ACYP2: variants seen among roughly 807,000 people sequenced by gnomAD.
The protein encoded by ACYP2 is acylphosphatase-2.
Under a neutral mutation model 11.2 loss-of-function variants are expected in ACYP2, and 12 were observed. The ratio of observed to expected loss-of-function variants is 1.08; its 90% CI spans 0.69 to 1.74. The LOEUF (loss-of-function observed/expected upper bound fraction) is 1.74, where lower values mean the gene tolerates loss of function less well. Ranked by LOEUF, ACYP2 falls within the 40% of genes most tolerant of loss-of-function variation. ACYP2 has a pLI of 0.00. For missense variants in ACYP2, 134 were observed against 101.9 expected, an observed-to-expected ratio of 1.31 and a Z score of -1.35; for synonymous variants, 43 against 32.2, an observed-to-expected ratio of 1.33 and a Z score of -1.13.
At chr2:54,216,542 ATT>A (rs202231897) in intron 6 of ACYP2, among the ~76,000 whole-genome samples, 1 of 146,388 alleles carries the variant, frequency 6.8e-6, no homozygotes, top group Non-Finnish European at 1.5e-5. Context: ...TCACGTTTAC[ATT>A]TTTTTTTTTT....
chr2:54,283,523 T>G (rs843720), intron 6 of ACYP2, among the ~76,000 whole-genome samples: 78,334 of 152,048 alleles, frequency 0.52, 20,885 homozygotes, highest in African/African-American at 0.63. Context: ...TTACTCAGAT[T>G]AAGACCCTGA....
chr2:54,219,498 T>C (rs1379070845), intron 6 of ACYP2, among the ~76,000 whole-genome samples: 2 of 152,150 alleles, frequency 1.3e-5, no homozygotes, highest in African/African-American at 4.8e-5. Flanking sequence ...AGGAATAATA[T>C]GAGGGAGTGG....
At chr2:54,257,014 C>A (rs1186708355) in intron 6 of ACYP2, among the ~76,000 whole-genome samples, 1 of 152,102 alleles carries the variant, frequency 6.6e-6, no homozygotes, top group Non-Finnish European at 1.5e-5. Flanking sequence ...AAAAGTTTTT[C>A]ATCTTAATAT....
chr2:54,245,281 A>T (rs889591996), intron 6 of ACYP2, among the ~76,000 whole-genome samples: 1 of 152,014 alleles, frequency 6.6e-6, no homozygotes, highest in Non-Finnish European at 1.5e-5. Flanking sequence ...TCATTTATCT[A>T]TTGTTGGACA....
chr2:54,025,969 T>C (rs1464715470), intron 2 of ACYP2, among the ~76,000 whole-genome samples: 2 of 152,002 alleles, frequency 1.3e-5, no homozygotes, highest in Non-Finnish European at 2.9e-5. Flanking sequence ...ATATAAAAAT[T>C]AGCCAGGCGT....
At chr2:54,158,361 CCT>C (rs1682535890) in intron 6 of ACYP2, among the ~76,000 whole-genome samples, 2 of 151,548 alleles carry the variant, frequency 1.3e-5, no homozygotes, top group South Asian at 4.2e-4. Context: ...TATTTTTTTT[CCT>C]CTTTTTGCCC....
chr2:53,973,853 ATATGTGTGTGTG>A (rs1350473356), intron 2 of ACYP2: 16 of 113,412 alleles, frequency 1.4e-4, no homozygotes, highest in African/African-American at 9.6e-4. Context: ...TGGGATATAT[ATATGTGTGTGTG>A]TGTGTGTGTG....
At chr2:54,169,879 G>T (rs1558584480) in intron 6 of ACYP2, among the ~76,000 whole-genome samples, 1 of 151,966 alleles carries the variant, frequency 6.6e-6, no homozygotes, top group Non-Finnish European at 1.5e-5. Context: ...CGATTTTTTT[G>T]AGTATTCCTC....
chr2:54,195,015 C>A (rs1272323283), intron 6 of ACYP2, among the ~76,000 whole-genome samples: 1 of 152,146 alleles, frequency 6.6e-6, no homozygotes, highest in Admixed American at 6.6e-5. Context: ...TGGTACCTCC[C>A]CAAACTAGGT....
chr2:54,120,514 A>AT (rs999554347), intron 4 of ACYP2, among the ~76,000 whole-genome samples: 5 of 151,650 alleles, frequency 3.3e-5, no homozygotes, highest in Admixed American at 1.3e-4. Flanking sequence ...TGTGCTTAGA[A>AT]TTTTTTTTTG....
rs1553391220 is a variant in ACYP2 at position 54,201,594 on chromosome 2, C to CTCTTTCTTTCTT, written c.404+62864_404+62875dup. ...ATAGCCAGCTTCTTTTTCTTTCTTT[C>CTCTTTCTTTCTT]TCTTTCTTTCTTTCTTTCTTTCTTT... On this transcript the variant is annotated intron_variant, in intron 6 of 6. Transcript: ENST00000607452. 2.4e-4 allele frequency among the ~76,000 whole-genome samples: 23 copies of CTCTTTCTTTCTT among 95,740 alleles called. 2 individuals are homozygous for CTCTTTCTTTCTT. Among genetic ancestry groups the CTCTTTCTTTCTT allele is most frequent in the African/African-American group, 6.4e-4 (16 of 24,850 alleles). 62.8% of individuals were successfully genotyped at this position (95,740 alleles called of 152,430 possible).
intron 4 of ACYP2, chr2:54,123,516 T>A: frequency 2.5e-6 from 1 of 398,070 alleles, no homozygotes; most frequent in Non-Finnish European, 4.4e-6. Context: ...ATACAGTAGT[T>A]TTTAGTATAT....
intron 6 of ACYP2, among the ~76,000 whole-genome samples, chr2:54,212,285 A>G (rs1270386330): frequency 6.6e-6 from 1 of 152,200 alleles, no homozygotes; most frequent in Non-Finnish European, 1.5e-5. Context: ...TGATCTTTGG[A>G]AAATCAAGTG....
At chr2:54,222,977 C>A (rs944036937) in intron 6 of ACYP2, 23 of 152,300 alleles carry the variant, frequency 1.5e-4, no homozygotes, top group African/African-American at 5.3e-4. Flanking sequence ...TTTTCATATT[C>A]TTTACTCTCT....
At chr2:54,289,714 C>T (rs1689220991) in intron 6 of ACYP2, among the ~76,000 whole-genome samples, 1 of 151,910 alleles carries the variant, frequency 6.6e-6, no homozygotes, top group African/African-American at 2.4e-5. Context: ...GGCATTCTTA[C>T]CTTCCATCAT....
intron 6 of ACYP2, among the ~76,000 whole-genome samples, chr2:54,151,617 T>A (rs1052966388): frequency 2.0e-5 from 3 of 152,168 alleles, no homozygotes; most frequent in Non-Finnish European, 4.4e-5. Flanking sequence ...ATTACTCTAA[T>A]GGAAAACTAG....
chr2:53,994,883 T>A (rs1672494120), intron 2 of ACYP2, among the ~76,000 whole-genome samples: 1 of 151,236 alleles, frequency 6.6e-6, no homozygotes, highest in Non-Finnish European at 1.5e-5. Flanking sequence ...ACAGGAAGAG[T>A]GGTTATGTTG....
At chr2:54,218,326 C>T (rs540639443) in intron 6 of ACYP2, among the ~76,000 whole-genome samples, 12 of 152,312 alleles carry the variant, frequency 7.9e-5, no homozygotes, top group African/African-American at 2.6e-4. Context: ...GTTGGTCCCT[C>T]TGCTGGTGTG....
chr2:54,293,870 G>A (rs1689415193), intron 6 of ACYP2, among the ~76,000 whole-genome samples: 1 of 152,136 alleles, frequency 6.6e-6, no homozygotes, highest in East Asian at 1.9e-4. Context: ...TAATAAAGGA[G>A]TCTATGGTAT....
Sources: gnomAD v4.1 joint callset for allele counts (sites outside exome capture counted in the v4.1 genomes callset) on GRCh38, gnomAD v4.1.1 for gene constraint, MANE v1.5 for transcripts, NCBI Gene and HGNC (gene_info 2026-07-23, HGNC 2026-07-21) for gene names.